Variants in JAK2 observed in about 807,000 individuals in gnomAD.
JAK2 encodes the protein tyrosine-protein kinase JAK2.
A neutral mutation model predicts 139.3 loss-of-function variants in JAK2; 86 were observed. That is an observed-to-expected ratio of 0.62 (90% CI 0.52 to 0.74). The LOEUF (loss-of-function observed/expected upper bound fraction) is 0.74, where lower values mean the gene tolerates loss of function less well. Ranked by LOEUF, JAK2 falls within the 30% of genes least tolerant of loss-of-function variation. The pLI is 0.00. For missense variants in JAK2, 1,421 were observed against 1,360.3 expected (o/e 1.04, Z -0.70); for synonymous variants, 490 against 437.7 (o/e 1.12, Z -1.49).
chr9:5,126,253 C>G, intron 23 of JAK2, 80 bp from the exon 24 acceptor site: 1 of 940,458 alleles, frequency 1.1e-6, no homozygotes, highest in East Asian at 2.6e-5. Flanking sequence ...TAAATTTTTT[C>G]CCATTGACTG....
At chr9:5,022,328 T>C (rs1822484349) in intron 3 of JAK2, 115 bp downstream of exon 3, 1 of 634,230 alleles carries the variant, frequency 1.6e-6, no homozygotes. Flanking sequence ...CTTGTATGGC[T>C]GGCGTGTGTG....
intron 2 of JAK2, among the ~76,000 whole-genome samples, chr9:5,009,014 T>A (rs1471634374): frequency 2.6e-5 from 4 of 152,208 alleles, no homozygotes; most frequent in Admixed American, 2.6e-4. Flanking sequence ...TTCAACTCTT[T>A]CACTGAATTG....
chr9:5,129,329 G>A lies in JAK2; in HGVS notation c.*2538G>A, dbSNP rs1170027706. Among the ~76,000 whole-genome samples the A allele has an allele frequency of 3.3e-5, 5 of 151,932 alleles. No individual in the cohort carries two copies. The highest frequency in any genetic ancestry group is 6.6e-5 in the Admixed American group (1 of 15,248). On this transcript the variant is annotated 3_prime_UTR_variant, in exon 25 of 25. Coordinates refer to ENST00000381652, the MANE Select transcript of JAK2 (RefSeq NM_004972.4). ...TGCATTTTTACCTAACCAAGGAAAC[G>A]GGCCACACACCTTGGTTTAGGGATG...
In JAK2 at chr9:5,126,757, G is replaced by T. The variant is rs775495966; in HGVS notation, c.3365G>T (p.Arg1122Leu). ...CCCTCCTTTAGGGATCTAGCTCTTCGAGTGGATCAAATAAGGGATAACATG... is the reference window on the plus strand; with the variant it reads ...CCCTCCTTTAGGGATCTAGCTCTTCTAGTGGATCAAATAAGGGATAACATG... ...QRPSFRDLAL[R>L]VDQIRDNMAG is the part of the protein sequence containing the mutation. The change falls in exon 25 of 25, where the codon CGA (arginine) becomes CTA (leucine). Residue 1122 changes from arginine (R) to leucine (L), a missense_variant. Coordinates refer to ENST00000381652, the MANE Select transcript of JAK2 (RefSeq NM_004972.4). The T allele has an allele frequency of 1.2e-6, 2 of 1,610,106 alleles. No homozygotes were observed. Among genetic ancestry groups the T allele is most frequent in the Non-Finnish European group, 1.7e-6 (2 of 1,177,020 alleles).
intron 2 of JAK2, among the ~76,000 whole-genome samples, chr9:4,999,102 GGCGTGA>G (rs1244645905): frequency 1.3e-5 from 2 of 152,278 alleles, no homozygotes; most frequent in East Asian, 1.9e-4. Context: ...TGGGATTACA[GGCGTGA>G]GCCACCGCAC....
rs765923672 is a variant in JAK2 at position 5,080,680 on chromosome 9, C to A, written c.2431C>A (p.Pro811Thr). 15 of 1,567,122 alleles carry A rather than the reference C, an allele frequency of 9.6e-6. No homozygotes were observed. The highest frequency in any genetic ancestry group is 2.0e-5 in the Admixed American group (1 of 50,148). Residue 811 changes from proline to threonine, a missense_variant, in exon 18 of 25, where the codon CCA becomes ACA. Transcript: ENST00000381652. ...ACGAGATCTTAACAGTTTGTTTACTCCAGGTATGTATTTGAATGATCTTAT... is the reference window on the plus strand; with the variant it reads ...ACGAGATCTTAACAGTTTGTTTACTACAGGTATGTATTTGAATGATCTTAT... ...IIRDLNSLFT[P>T]DYELLTENDM...
At chr9:5,016,056 A>G (rs1822036401) in intron 2 of JAK2, among the ~76,000 whole-genome samples, 1 of 152,172 alleles carries the variant, frequency 6.6e-6, no homozygotes, top group Admixed American at 6.6e-5. Flanking sequence ...TACAACATGG[A>G]TGACTAGAGG....
At chr9:4,996,037 G>C (rs1413099015) in intron 2 of JAK2, among the ~76,000 whole-genome samples, 1 of 152,092 alleles carries the variant, frequency 6.6e-6, no homozygotes, top group African/African-American at 2.4e-5. Flanking sequence ...CAATCCATAG[G>C]ATAGGTCAAG....
intron 9 of JAK2, among the ~76,000 whole-genome samples, chr9:5,065,675 T>C (rs924795291): frequency 6.6e-6 from 1 of 152,222 alleles, no homozygotes; most frequent in Admixed American, 6.5e-5. Flanking sequence ...TTGTAGATCC[T>C]TACTTTAATA....
At chr9:5,085,765 G>A (rs1586762100) in intron 19 of JAK2, 3 of 754,210 alleles carry the variant, frequency 4.0e-6, no homozygotes, top group East Asian at 2.5e-5. Flanking sequence ...TGCACATGTC[G>A]GGAGTTATTA....
At chr9:5,115,832 T>A (rs1823112664) in intron 22 of JAK2, among the ~76,000 whole-genome samples, 1 of 152,154 alleles carries the variant, frequency 6.6e-6, no homozygotes, top group Non-Finnish European at 1.5e-5. Flanking sequence ...CCACTTGTTC[T>A]CGCTGATAAG....
intron 3 of JAK2, among the ~76,000 whole-genome samples, chr9:5,027,534 C>A (rs1227255027): frequency 1.3e-5 from 2 of 152,138 alleles, no homozygotes; most frequent in African/African-American, 4.8e-5. Flanking sequence ...ATGGCAATAT[C>A]TTAAAATAAG....
intron 22 of JAK2, among the ~76,000 whole-genome samples, chr9:5,107,277 A>C (rs1822040538): frequency 6.6e-6 from 1 of 152,088 alleles, no homozygotes; most frequent in Non-Finnish European, 1.5e-5. Context: ...TACTACTACT[A>C]CTAATTACAT....
At chr9:5,113,892 GTCC>G (rs1822889350) in intron 22 of JAK2, 1 of 223,620 alleles carries the variant, frequency 4.5e-6, no homozygotes, top group Non-Finnish European at 9.1e-6. Context: ...AGATCTTACA[GTCC>G]TCCTGTGATG....
At chr9:5,052,126 C>T (rs1817456825) in intron 6 of JAK2, among the ~76,000 whole-genome samples, 1 of 152,002 alleles carries the variant, frequency 6.6e-6, no homozygotes, top group Non-Finnish European at 1.5e-5. Flanking sequence ...AAGCTTTGAC[C>T]CATTGAAGAT....
chr9:5,044,636 C>G (rs1310102259), intron 5 of JAK2, 116 bp downstream of exon 5: 2 of 589,252 alleles, frequency 3.4e-6, no homozygotes, highest in East Asian at 3.0e-5. Context: ...CTGTCTTGCA[C>G]AGCAGGTGCA....
At chr9:5,028,175 C>A (rs1587844775) in intron 3 of JAK2, among the ~76,000 whole-genome samples, 1 of 152,178 alleles carries the variant, frequency 6.6e-6, no homozygotes, top group Non-Finnish European at 1.5e-5. Flanking sequence ...TGCTCCTTAT[C>A]CATGGGCTGC....
At chr9:5,052,358 A>C (rs1418958225) in intron 6 of JAK2, among the ~76,000 whole-genome samples, 1 of 151,894 alleles carries the variant, frequency 6.6e-6, no homozygotes, top group African/African-American at 2.4e-5. Context: ...GATTCTTTTA[A>C]CTCATGCTCT....
At chr9:5,008,463 A>G (rs890259065) in intron 2 of JAK2, among the ~76,000 whole-genome samples, 1 of 152,216 alleles carries the variant, frequency 6.6e-6, no homozygotes, top group African/African-American at 2.4e-5. Context: ...AGGAGAAAGT[A>G]TGAGATAGTT....
Sources: allele counts gnomAD v4.1 joint callset (sites outside exome capture counted in the v4.1 genomes callset), GRCh38; gene constraint gnomAD v4.1.1; transcripts MANE v1.5; gene names NCBI Gene and HGNC (gene_info 2026-07-23, HGNC 2026-07-21).